Variants in LDB2 observed in about 807,000 individuals in gnomAD.
LDB2 encodes the protein LIM domain-binding protein 2.
A neutral mutation model predicts 44.3 loss-of-function variants in LDB2; 12 were observed. The observed-to-expected ratio is 0.27, with a 90% confidence interval of 0.17 to 0.44. The LOEUF (loss-of-function observed/expected upper bound fraction) is 0.44, where lower values mean the gene tolerates loss of function less well. Ranked by LOEUF, LDB2 falls within the 20% of genes least tolerant of loss-of-function variation. The pLI is 1.00. For synonymous variants in LDB2, 164 were observed against 174.8 expected (o/e 0.94, Z 0.49); for missense variants, 344 against 473.5 (o/e 0.73, Z 2.54).
chr4:16,627,134 A>G (rs1426972462), intron 2 of LDB2: 3 of 152,170 alleles, frequency 2.0e-5, no homozygotes, highest in Non-Finnish European at 2.9e-5. Flanking sequence ...TGAGACACAC[A>G]CCATGAGTCA....
intron 2 of LDB2, among the ~76,000 whole-genome samples, chr4:16,652,479 A>C (rs2152526365): frequency 6.6e-6 from 1 of 152,258 alleles, no homozygotes; most frequent in South Asian, 2.1e-4. Context: ...TTCTGAATTT[A>C]TGTTCACCAC....
At chr4:16,685,596 G>A (rs1255213882) in intron 2 of LDB2, among the ~76,000 whole-genome samples, 1 of 152,062 alleles carries the variant, frequency 6.6e-6, no homozygotes, top group Non-Finnish European at 1.5e-5. Flanking sequence ...AGTAGCAGGG[G>A]GAAGGAAGCA....
At chr4:16,660,011 C>T (rs928761527) in intron 2 of LDB2, among the ~76,000 whole-genome samples, 19 of 152,144 alleles carry the variant, frequency 1.2e-4, no homozygotes, top group Middle Eastern at 3.4e-3. Context: ...TATTTTGCTC[C>T]GCAGGGTACA....
intron 5 of LDB2, among the ~76,000 whole-genome samples, chr4:16,579,303 CCTA>C (rs1713282157): frequency 6.6e-6 from 1 of 151,904 alleles, no homozygotes; most frequent in Admixed American, 6.6e-5. Flanking sequence ...AATATATACA[CCTA>C]CTATGTACCC....
chr4:16,522,276 T>TTGTGTGCGTGTGTG (rs1553878108), intron 5 of LDB2, among the ~76,000 whole-genome samples: 1 of 150,234 alleles, frequency 6.7e-6, no homozygotes, highest in Admixed American at 6.6e-5. Flanking sequence ...GTGTGTGTGT[T>TTGTGTGCGTGTGTG]TGTGTGTGTG....
chr4:16,617,551 C>T (rs754011360), intron 2 of LDB2, among the ~76,000 whole-genome samples: 9 of 152,068 alleles, frequency 5.9e-5, no homozygotes, highest in Non-Finnish European at 1.2e-4. Context: ...GGGACACACT[C>T]GGTTTTGTAT....
At chr4:16,727,433 C>T (rs1202789341) in intron 2 of LDB2, among the ~76,000 whole-genome samples, 9 of 152,098 alleles carry the variant, frequency 5.9e-5, no homozygotes, top group South Asian at 2.1e-4. Flanking sequence ...TGGGAAGACT[C>T]GAGCATGGGG....
At chr4:16,553,836 C>T (rs1738502447) in intron 5 of LDB2, among the ~76,000 whole-genome samples, 1 of 152,114 alleles carries the variant, frequency 6.6e-6, no homozygotes, top group Non-Finnish European at 1.5e-5. Context: ...CATTTTATAC[C>T]TGAGCACACT....
intron 1 of LDB2, among the ~76,000 whole-genome samples, chr4:16,847,806 C>T (rs1454409287): frequency 2.0e-5 from 3 of 152,114 alleles, no homozygotes; most frequent in Admixed American, 6.5e-5. Flanking sequence ...TTTGTAGAGA[C>T]GGGGTTTTAC....
At chr4:16,830,476 C>G (rs1783861987) in intron 1 of LDB2, among the ~76,000 whole-genome samples, 1 of 152,214 alleles carries the variant, frequency 6.6e-6, no homozygotes, top group Non-Finnish European at 1.5e-5. Flanking sequence ...ATAAATTACC[C>G]AGTCTCAGGT....
At chr4:16,655,406 G>A (rs904210625) in intron 2 of LDB2, among the ~76,000 whole-genome samples, 2 of 152,206 alleles carry the variant, frequency 1.3e-5, no homozygotes, top group Non-Finnish European at 2.9e-5. Flanking sequence ...AATCAGGGGA[G>A]TGTTTCTGAT....
At chr4:16,785,963 A>G (rs1774335807) in intron 1 of LDB2, among the ~76,000 whole-genome samples, 1 of 152,202 alleles carries the variant, frequency 6.6e-6, no homozygotes, top group Non-Finnish European at 1.5e-5. Context: ...AATTATGCAG[A>G]AGATACGATG....
chr4:16,757,160 A>G (rs956495639), intron 2 of LDB2, among the ~76,000 whole-genome samples: 4 of 152,144 alleles, frequency 2.6e-5, no homozygotes, highest in Admixed American at 6.5e-5. Context: ...AGCGCTGCAT[A>G]AACAGTGCAC....
chr4:16,878,636 A>C (rs182648594), intron 1 of LDB2, among the ~76,000 whole-genome samples: 171 of 152,380 alleles, frequency 1.1e-3, no homozygotes, highest in Non-Finnish European at 4.4e-4. Flanking sequence ...AAACCTAAAA[A>C]GCCAAAACCC....
intron 2 of LDB2, among the ~76,000 whole-genome samples, chr4:16,684,231 C>T (rs16893778): frequency 0.018 from 2,756 of 152,194 alleles, 34 homozygotes; most frequent in Non-Finnish European, 0.027. Flanking sequence ...TTTTTAGTGA[C>T]GTGATAAAAG....
intron 1 of LDB2, among the ~76,000 whole-genome samples, chr4:16,845,225 T>C (rs1295003711): frequency 6.6e-6 from 1 of 152,132 alleles, no homozygotes; most frequent in Non-Finnish European, 1.5e-5. Flanking sequence ...TGTAAGCAGA[T>C]CCCCTGCTCC....
chr4:16,826,847 G>A lies in LDB2; in HGVS notation c.133-67587C>T, dbSNP rs866703977. ...AATAAAGGAGAAAAAGAATTGAAAA[G>A]GTATATTAAATGCAAATGGAAGGAG... On this transcript the variant is annotated intron_variant, in intron 1 of 7. Coordinates refer to ENST00000304523, the MANE Select transcript of LDB2 (RefSeq NM_001290.5). Among the ~76,000 whole-genome samples the A allele has an allele frequency of 2.8e-4, 43 of 152,156 alleles. No homozygotes were observed. The Middle Eastern group carries it at 0.014, about 48-fold the overall frequency.
intron 2 of LDB2, among the ~76,000 whole-genome samples, chr4:16,706,564 C>A (rs1318068031): frequency 6.6e-6 from 1 of 152,152 alleles, no homozygotes; most frequent in Non-Finnish European, 1.5e-5. Context: ...ACATAAAGAG[C>A]AAGATCATGA....
In LDB2 at chr4:16,560,639, C is replaced by G. The variant is rs565250746; in HGVS notation, c.615+25283G>C. Reference sequence around the variant, plus strand: ...TCACAGCCGAATTCTACCAGAGGTACAAGGAGGAACTGGTAGCATTCCTTC... The same window carrying G: ...TCACAGCCGAATTCTACCAGAGGTAGAAGGAGGAACTGGTAGCATTCCTTC... On this transcript the variant is annotated intron_variant, in intron 5 of 7. Transcript: ENST00000304523. 2.6e-5 allele frequency among the ~76,000 whole-genome samples: 4 copies of G among 152,260 alleles called. No individual in the cohort carries two copies. The South Asian group carries it at 8.3e-4, about 32-fold the overall frequency.
Sources: gnomAD v4.1 joint callset for allele counts (sites outside exome capture counted in the v4.1 genomes callset) on GRCh38, gnomAD v4.1.1 for gene constraint, MANE v1.5 for transcripts, NCBI Gene and HGNC (gene_info 2026-07-23, HGNC 2026-07-21) for gene names.